Variants in ZNF879 observed in about 807,000 individuals in gnomAD.
ZNF879 encodes zinc finger protein 879.
ZNF879 carries 32 observed loss-of-function variants against 44.3 expected under a neutral mutation model. That is an observed-to-expected ratio of 0.72 (90% CI 0.54 to 0.97). ZNF879 has a LOEUF of 0.97. Ranked by LOEUF, ZNF879 falls within the 50% of genes least tolerant of loss-of-function variation. The pLI is 0.00. For missense variants in ZNF879, 621 were observed against 669.7 expected, an observed-to-expected ratio of 0.93 and a Z score of 0.80; for synonymous variants, 234 against 233.2, an observed-to-expected ratio of 1.00 and a Z score of -0.03.
rs145132414 is a variant in ZNF879, at chr5:179,030,985, G to A, written c.257-1220G>A. Among the ~76,000 whole-genome samples the A allele has an allele frequency of 8.3e-3, 1,263 of 152,166 alleles. 20 individuals are homozygous for A. Among genetic ancestry groups the A allele is most frequent in the African/African-American group, 0.028 (1,165 of 41,514 alleles). ...CTTTCATTGCCTCTGCGCTCTATTC[G>A]TAGGTGAAGATACCTGCCAGTGCTA... On this transcript the variant is annotated intron_variant, in intron 4 of 4. Transcript: ENST00000444149.
In ZNF879 at chr5:179,032,990, C is replaced by A. The variant is rs1761475308; in HGVS notation, c.1042C>A (p.Gln348Lys). 1 of 1,556,520 alleles carries A rather than the reference C, an allele frequency of 6.4e-7. No individual in the cohort carries two copies. The highest frequency in any genetic ancestry group is 2.4e-5 in the East Asian group (1 of 41,170). The change falls in exon 5 of 5, where the codon CAG becomes AAG. Residue 348 changes from glutamine (Q) to lysine (K), a missense_variant. Physicochemically the swap from Gln to Lys is moderately conservative, Grantham distance 53. Transcript: ENST00000444149. Reference protein sequence around the residue: ...HTGEKPYECTQCGKAFTSISR... With the variant: ...HTGEKPYECTKCGKAFTSISR... ...TGGGGAGAAACCGTATGAATGTACTCAGTGTGGGAAAGCCTTCACTTCAAT... is the reference window on the plus strand; with the variant it reads ...TGGGGAGAAACCGTATGAATGTACTAAGTGTGGGAAAGCCTTCACTTCAAT...
At position 179,032,537 on chromosome 5, in the gene ZNF879, G is replaced by A. The variant is rs1364315027; in HGVS notation, c.589G>A (p.Val197Ile). 2 of 1,551,568 alleles carry A rather than the reference G, an allele frequency of 1.3e-6. No individual in the cohort carries two copies. Among genetic ancestry groups the A allele is most frequent in the South Asian group, 1.2e-5 (1 of 84,060 alleles). ...TTCAGTTCTCTTTAAACAACTGGGG[G>A]TCAACACAGTGCGTAAATGTTATAA... Reference protein sequence around the residue: ...QYSVLFKQLGVNTVRKCYKCN... With the variant: ...QYSVLFKQLGINTVRKCYKCN... The change falls in exon 5 of 5, where the codon GTC becomes ATC. Residue 197 changes from valine to isoleucine, a missense_variant. Physicochemically the swap from Val to Ile is conservative, Grantham distance 29. Coordinates refer to ENST00000444149, the MANE Select transcript of ZNF879 (RefSeq NM_001136116.3).
chr5:179,023,993 G>C (rs1761182475), intron 1 of ZNF879, 89 bp downstream of exon 1: 1 of 152,194 alleles, frequency 6.6e-6, no homozygotes, highest in Non-Finnish European at 1.5e-5. Context: ...TGTCTGCCGA[G>C]TCCCCGGCTC....
Position 179,028,087 on chromosome 5 carries a change from C to T in ZNF879, c.216C>T (p.Pro72=). 1.9e-6 allele frequency: 3 copies of T among 1,551,474 alleles called. No individual in the cohort carries two copies. Among genetic ancestry groups the T allele is most frequent in the Non-Finnish European group, 2.6e-6 (3 of 1,146,942 alleles). The change falls in exon 4 of 5, where the codon CCC becomes CCT. Residue 72 remains proline, a synonymous_variant. Transcript: ENST00000444149. ...VISQLEQGED[P]WMVESGVPQG... is the part of the protein sequence containing the mutation. ...CCCAGTTAGAGCAAGGAGAAGACCC[C>T]TGGATGGTGGAGAGTGGAGTTCCCC...
intron 4 of ZNF879, among the ~76,000 whole-genome samples, chr5:179,031,141 C>T (rs1228923560): frequency 6.6e-6 from 1 of 152,226 alleles, no homozygotes; most frequent in Non-Finnish European, 1.5e-5. Flanking sequence ...CCCTTGTTCT[C>T]TTTCTCCCCG....
Position 179,032,615 on chromosome 5 carries a change from C to G in ZNF879, c.667C>G (p.Gln223Glu). 2 of 1,565,110 alleles carry G rather than the reference C, an allele frequency of 1.3e-6. No homozygotes were observed. The highest frequency in any genetic ancestry group is 1.7e-6 in the Non-Finnish European group (2 of 1,154,888). Reference sequence around the variant, plus strand: ...CCACAGTTCCTCCCTGAGTAAACACCAGAGAATCCACACTGGAGAGAAGCT... The same window carrying G: ...CCACAGTTCCTCCCTGAGTAAACACGAGAGAATCCACACTGGAGAGAAGCT... Reference protein sequence around the residue: ...FLHSSSLSKHQRIHTGEKLYK... With the variant: ...FLHSSSLSKHERIHTGEKLYK... Residue 223 changes from glutamine to glutamate, a missense_variant, in exon 5 of 5, where the codon CAG becomes GAG. Coordinates refer to ENST00000444149, the MANE Select transcript of ZNF879 (RefSeq NM_001136116.3).
Position 179,032,552 on chromosome 5 carries a change from A to C in ZNF879, c.604A>C (p.Lys202Gln), listed in dbSNP as rs1306622788. 1 of 1,551,928 alleles carries C rather than the reference A, an allele frequency of 6.4e-7. No individual in the cohort carries two copies. The change falls in exon 5 of 5, where the codon AAA becomes CAA. Residue 202 changes from lysine to glutamine, a missense_variant. Lys to Gln is a moderately conservative substitution (Grantham distance 53). Coordinates refer to ENST00000444149, the MANE Select transcript of ZNF879 (RefSeq NM_001136116.3). ...ACAACTGGGGGTCAACACAGTGCGTAAATGTTATAAATGTAATATCTGTGG... is the reference window on the plus strand; with the variant it reads ...ACAACTGGGGGTCAACACAGTGCGTCAATGTTATAAATGTAATATCTGTGG... Reference protein sequence around the residue: ...FKQLGVNTVRKCYKCNICGKI... With the variant: ...FKQLGVNTVRQCYKCNICGKI...
In ZNF879 at chr5:179,033,371, C is replaced by A. The variant is rs1375163992; in HGVS notation, c.1423C>A (p.Arg475=). The A allele has an allele frequency of 2.6e-6, 4 of 1,559,488 alleles. No individual in the cohort carries two copies. Among genetic ancestry groups the A allele is most frequent in the East Asian group, 4.8e-5 (2 of 41,324 alleles). The stretch of plus-strand genomic sequence containing the variant: ...TTCCCACTCAGGCGTTAATACTCAT[C>A]GAAAAATTCATACTGGAGAAAAACC... ...FSSHSGVNTH[R]KIHTGEKPYK... is the part of the protein sequence containing the mutation. Residue 475 remains arginine, a synonymous_variant, in exon 5 of 5, where the codon CGA becomes AGA. Coordinates refer to ENST00000444149, the MANE Select transcript of ZNF879 (RefSeq NM_001136116.3).
rs1414865013 is a variant in ZNF879 at position 179,032,190 on chromosome 5, T to C, written c.257-15T>C. 4 of 1,478,662 alleles carry C rather than the reference T, an allele frequency of 2.7e-6. No homozygotes were observed. The highest frequency in any genetic ancestry group is 1.4e-5 in the South Asian group (1 of 71,636). 91.6% of individuals were successfully genotyped at this position (1,478,662 alleles called of 1,614,324 possible). On this transcript the variant is annotated splice_polypyrimidine_tract_variant and intron_variant, in intron 4 of 4. Coordinates refer to ENST00000444149, the MANE Select transcript of ZNF879 (RefSeq NM_001136116.3). ...TCTGAGTTCAAGAGAGACTTATATGTTTTGTCTACTTTAGGATGGGAAAGC... is the reference window on the plus strand; with the variant it reads ...TCTGAGTTCAAGAGAGACTTATATGCTTTGTCTACTTTAGGATGGGAAAGC...
chr5:179,034,717 G>T lies in ZNF879; in HGVS notation c.*1077G>T, dbSNP rs767227147. ...CTTACACTCTTCAACAAGTGATTTA[G>T]CTCATTTCAGCATTTCTAAAATGTG... On this transcript the variant is annotated 3_prime_UTR_variant, in exon 5 of 5. Coordinates refer to ENST00000444149, the MANE Select transcript of ZNF879 (RefSeq NM_001136116.3). 6.6e-6 allele frequency: 1 copy of T among 152,186 alleles called. No homozygotes were observed. The highest frequency in any genetic ancestry group is 1.5e-5 in the Non-Finnish European group (1 of 68,048). The allele number at this position is 152,186 out of a possible 1,614,324, so 9.4% of individuals were successfully genotyped here. A position where few individuals can be genotyped will look rare whatever the true frequency, so the allele number is the denominator to read the frequency against.
In ZNF879 at chr5:179,027,500, G is replaced by T; in HGVS notation, c.61G>T (p.Val21Leu). The T allele has an allele frequency of 6.2e-7, 1 of 1,614,114 alleles. No individual in the cohort carries two copies. Among genetic ancestry groups the T allele is most frequent in the South Asian group, 1.1e-5 (1 of 91,056 alleles). ...GTCCGTGACGTTCAGGGATGTGGCCGTGTTCTTCAGCCAGGACGAGTGGTT... is the reference window on the plus strand; with the variant it reads ...GTCCGTGACGTTCAGGGATGTGGCCTTGTTCTTCAGCCAGGACGAGTGGTT... Reference protein sequence around the residue: ...QESVTFRDVAVFFSQDEWLHL... With the variant: ...QESVTFRDVALFFSQDEWLHL... Residue 21 changes from valine (V) to leucine (L), a missense_variant, in exon 3 of 5, where the codon GTG (valine) becomes TTG (leucine). Physicochemically the swap from Val to Leu is conservative, Grantham distance 32. Transcript: ENST00000444149.
At chr5:179,031,989 C>G (rs1022431046) in intron 4 of ZNF879, among the ~76,000 whole-genome samples, 1 of 152,146 alleles carries the variant, frequency 6.6e-6, no homozygotes, top group African/African-American at 2.4e-5. Context: ...CCTGGCTCTT[C>G]CTGTTGTCCC....
intron 4 of ZNF879, among the ~76,000 whole-genome samples, chr5:179,031,261 TA>T (rs2113064873): frequency 6.6e-6 from 1 of 152,320 alleles, no homozygotes; most frequent in African/African-American, 2.4e-5. Flanking sequence ...GAACTTCCAA[TA>T]TCTTCCTGTA....
chr5:179,025,966 T>TCCCA (rs1228652935), intron 2 of ZNF879, among the ~76,000 whole-genome samples: 1 of 147,786 alleles, frequency 6.8e-6, no homozygotes, highest in East Asian at 2.0e-4. Flanking sequence ...GCTCCTGTAA[T>TCCCA]CCCAGTTAGT....
In ZNF879 at chr5:179,028,127, G is replaced by C; in HGVS notation, c.256G>C (p.Gly86Arg). 1 of 1,551,362 alleles carries C rather than the reference G, an allele frequency of 6.4e-7. No homozygotes were observed. Among genetic ancestry groups the C allele is most frequent in the Non-Finnish European group, 8.7e-7 (1 of 1,146,778 alleles). Residue 86 changes from glycine to arginine, a missense_variant and splice_region_variant, in exon 4 of 5, where the codon GGA becomes CGA. Gly to Arg is a moderately radical substitution (Grantham distance 125). Coordinates refer to ENST00000444149, the MANE Select transcript of ZNF879 (RefSeq NM_001136116.3). Reference sequence around the variant, plus strand: ...TGGAGTTCCCCAAGGCGCACATCTCGGTGAGTGACAGAGTAATTGGGAGAT... The same window carrying C: ...TGGAGTTCCCCAAGGCGCACATCTCCGTGAGTGACAGAGTAATTGGGAGAT... ...ESGVPQGAHL[G>R]WESLFGTIVS...
rs555425860 is a variant in ZNF879 at position 179,028,674 on chromosome 5, C to T, written c.256+547C>T. On this transcript the variant is annotated intron_variant, in intron 4 of 4. Coordinates refer to ENST00000444149, the MANE Select transcript of ZNF879 (RefSeq NM_001136116.3). ...CGGAATGTGAGTGGGCTTCCGGATACTCATCACGCTATTCTTCTCTTTTCT... is the reference window on the plus strand; with the variant it reads ...CGGAATGTGAGTGGGCTTCCGGATATTCATCACGCTATTCTTCTCTTTTCT... 3.9e-5 allele frequency among the ~76,000 whole-genome samples: 6 copies of T among 152,268 alleles called. No individual in the cohort carries two copies. The South Asian group carries it at 1.2e-3, about 32-fold the overall frequency.
At chr5:179,028,215 T>C in intron 4 of ZNF879, 88 bp downstream of exon 4, 1 of 1,159,142 alleles carries the variant, frequency 8.6e-7, no homozygotes, top group Non-Finnish European at 1.3e-6. Context: ...GTCTCCTTGA[T>C]GTGCCAGGCC....
At chr5:179,027,937 C>T (rs2031509689) in intron 3 of ZNF879, 95 bp from the exon 4 acceptor site, 3 of 1,110,502 alleles carry the variant, frequency 2.7e-6, no homozygotes, top group South Asian at 1.4e-5. Context: ...GAACAAACCT[C>T]CTCCTTCCCT....
chr5:179,028,649 C>A (rs925661442), intron 4 of ZNF879, among the ~76,000 whole-genome samples: 1 of 152,114 alleles, frequency 6.6e-6, no homozygotes, highest in South Asian at 2.1e-4. Flanking sequence ...GTAACAGTTA[C>A]GGAATGTGAG....
Sources: allele counts gnomAD v4.1 joint callset (sites outside exome capture counted in the v4.1 genomes callset), GRCh38; gene constraint gnomAD v4.1.1; transcripts MANE v1.5; gene names NCBI Gene and HGNC (gene_info 2026-07-23, HGNC 2026-07-21).